The following SYCP2L variants were observed in gnomAD, a reference collection of about 807,000 sequenced individuals.
SYCP2L encodes the protein synaptonemal complex protein 2 like, also known as synaptonemal complex protein 2-like.
A neutral mutation model predicts 125.8 loss-of-function variants in SYCP2L; 98 were observed. That is an observed-to-expected ratio of 0.78 (90% CI 0.66 to 0.92). The LOEUF (loss-of-function observed/expected upper bound fraction) is 0.92, where lower values mean the gene tolerates loss of function less well. SYCP2L is among the 40% of genes least tolerant of loss of function. The probability of loss-of-function intolerance (pLI) is 0.00; values close to 1 mark genes in which losing one functional copy is unlikely to be tolerated. For synonymous variants in SYCP2L, 317 were observed against 325.4 expected, an observed-to-expected ratio of 0.97 and a Z score of 0.28; for missense variants, 842 against 936.4, an observed-to-expected ratio of 0.90 and a Z score of 1.32.
intron 18 of SYCP2L, among the ~76,000 whole-genome samples, chr6:10,929,058 A>G (rs1780946079): frequency 6.6e-6 from 1 of 151,754 alleles, no homozygotes; most frequent in Non-Finnish European, 1.5e-5. Context: ...TGCCTACCTA[A>G]TTTTTGTATC....
intron 12 of SYCP2L, 71 bp downstream of exon 12, chr6:10,910,940 G>C: frequency 1.9e-6 from 3 of 1,551,592 alleles, no homozygotes; most frequent in South Asian, 1.1e-5. Context: ...TACGTGGTTA[G>C]ATCAAACTTT....
chr6:10,900,446 G>A (rs551172725), intron 6 of SYCP2L, among the ~76,000 whole-genome samples: 3 of 151,800 alleles, frequency 2.0e-5, no homozygotes, highest in Non-Finnish European at 1.5e-5. Context: ...TCTGCCTCCC[G>A]GGTTCAAGCA....
chr6:10,938,323 A>G (rs796635423), intron 21 of SYCP2L, among the ~76,000 whole-genome samples: 3 of 152,348 alleles, frequency 2.0e-5, no homozygotes, highest in African/African-American at 7.2e-5. Context: ...GAATCATTTC[A>G]ATAGATGCAA....
Position 10,942,133 on chromosome 6 carries a change from A to T in SYCP2L, c.1814-326A>T, listed in dbSNP as rs1246472436. Reference sequence around the variant, plus strand: ...GGACACAGGAAAGGGAACATCACACACTGGGGCCTGTTGTGGGGTGGGGGG... The same window carrying T: ...GGACACAGGAAAGGGAACATCACACTCTGGGGCCTGTTGTGGGGTGGGGGG... On this transcript the variant is annotated intron_variant, in intron 21 of 29. Coordinates refer to ENST00000283141, the MANE Select transcript of SYCP2L (RefSeq NM_001040274.3). 5.4e-5 allele frequency among the ~76,000 whole-genome samples: 6 copies of T among 111,226 alleles called. No homozygotes were observed. In the Admixed American group the frequency reaches 7.7e-4, roughly 14 times the overall value. The allele number at this position is 111,226 out of a possible 152,430, so 73.0% of individuals were successfully genotyped here.
intron 29 of SYCP2L, among the ~76,000 whole-genome samples, chr6:10,968,964 T>G (rs1406557365): frequency 2.0e-5 from 3 of 152,206 alleles, no homozygotes; most frequent in Admixed American, 1.3e-4. Context: ...TACATAAGTA[T>G]GGAATGTGTG....
At chr6:10,924,237 C>T (rs910699999) in intron 14 of SYCP2L, among the ~76,000 whole-genome samples, 1 of 152,210 alleles carries the variant, frequency 6.6e-6, no homozygotes, top group African/African-American at 2.4e-5. Flanking sequence ...AAACTATCTT[C>T]ATTTCTTTGC....
At chr6:10,948,157 A>G (rs1160165551) in intron 23 of SYCP2L, among the ~76,000 whole-genome samples, 4 of 152,128 alleles carry the variant, frequency 2.6e-5, no homozygotes, top group Non-Finnish European at 5.9e-5. Context: ...GCTAATTTAC[A>G]TATCCCCTCA....
intron 14 of SYCP2L, chr6:10,922,922 A>G (rs1402521066): frequency 6.6e-6 from 1 of 152,212 alleles, no homozygotes; most frequent in South Asian, 2.1e-4. Context: ...CCAGAATATT[A>G]TATCCTGGAA....
chr6:10,919,709 G>C (rs950343075), intron 14 of SYCP2L, among the ~76,000 whole-genome samples: 4 of 152,100 alleles, frequency 2.6e-5, no homozygotes, highest in African/African-American at 7.2e-5. Flanking sequence ...GGCAGGATTA[G>C]GAGTGTCTGA....
At position 10,927,286 on chromosome 6, in the gene SYCP2L, AGAT is replaced by A; in HGVS notation, c.1362_1364del (p.Asp455del). On this transcript the variant is annotated inframe_deletion, in exon 17 of 30. Transcript: ENST00000283141. ...ACATGGTGGAGTTTATGAGTGCTGA[AGAT>A]GACCGCTGCCTAATAACTCTCCACT... 1 of 1,614,178 alleles carries A rather than the reference AGAT, an allele frequency of 6.2e-7. No homozygotes were observed. The highest frequency in any genetic ancestry group is 8.5e-7 in the Non-Finnish European group (1 of 1,180,028).
chr6:10,906,172 T>C, intron 9 of SYCP2L, 118 bp downstream of exon 9: 1 of 585,356 alleles, frequency 1.7e-6, no homozygotes, highest in African/African-American at 1.9e-5. Context: ...GGAATCAGGG[T>C]TTTATTTTAA....
At chr6:10,892,503 T>C (rs900692006) in intron 2 of SYCP2L, among the ~76,000 whole-genome samples, 2 of 152,202 alleles carry the variant, frequency 1.3e-5, no homozygotes, top group Non-Finnish European at 2.9e-5. Flanking sequence ...CTCAATATAT[T>C]GCCCAGGCTG....
chr6:10,938,946 C>A (rs1781160845), intron 21 of SYCP2L, among the ~76,000 whole-genome samples: 1 of 152,000 alleles, frequency 6.6e-6, no homozygotes, highest in Admixed American at 6.6e-5. Flanking sequence ...CAGTGAAACC[C>A]CATCTCTACT....
chr6:10,887,095 G>T lies in SYCP2L; in HGVS notation c.-32G>T. The T allele has an allele frequency of 6.2e-7, 1 of 1,614,046 alleles. No individual in the cohort carries two copies. Among genetic ancestry groups the T allele is most frequent in the Middle Eastern group, 1.6e-4 (1 of 6,062 alleles). ...CGACCGAGCGCAACAAAGCTGAGCG[G>T]CGCGTCGCTTCAGGAACGAAGAAGC... is the stretch of plus-strand genomic sequence containing the variant. On this transcript the variant is annotated 5_prime_UTR_variant, in exon 1 of 30. Transcript: ENST00000283141.
intron 14 of SYCP2L, among the ~76,000 whole-genome samples, chr6:10,924,295 G>T (rs887796199): frequency 2.0e-5 from 3 of 152,170 alleles, no homozygotes; most frequent in Non-Finnish European, 4.4e-5. Context: ...CCACTTAATT[G>T]TGTTGTATGT....
At position 10,955,168 on chromosome 6, in the gene SYCP2L, G is replaced by A. The variant is rs766922733; in HGVS notation, c.2007G>A (p.Glu669=). The A allele has an allele frequency of 3.7e-6, 6 of 1,613,678 alleles. No homozygotes were observed. In the South Asian group the frequency reaches 5.5e-5, roughly 15 times the overall value. The part of the protein sequence containing the change: ...AKSQQSRLEE[E]VAPGSPFSIT... ...CACAACAATCAAGATTGGAAGAAGA[G>A]GTTGCTCCGGGATCCCCTTTCTCAA... Residue 669 remains glutamate (E), a synonymous_variant, in exon 24 of 30, where the codon GAG becomes GAA. Coordinates refer to ENST00000283141, the MANE Select transcript of SYCP2L (RefSeq NM_001040274.3).
At chr6:10,952,304 C>T (rs938011693) in intron 23 of SYCP2L, among the ~76,000 whole-genome samples, 2 of 152,164 alleles carry the variant, frequency 1.3e-5, no homozygotes, top group East Asian at 1.9e-4. Flanking sequence ...AAGAACTTCA[C>T]GAGCACTGCC....
At chr6:10,914,595 G>A (rs1384781419) in intron 14 of SYCP2L, among the ~76,000 whole-genome samples, 1 of 75,176 alleles carries the variant, frequency 1.3e-5, no homozygotes, top group African/African-American at 4.1e-5. Context: ...GCTTTTGGCA[G>A]TGTGATCATT....
chr6:10,937,800 A>C (rs899133825), intron 21 of SYCP2L, among the ~76,000 whole-genome samples: 14 of 152,146 alleles, frequency 9.2e-5, no homozygotes, highest in African/African-American at 3.4e-4. Flanking sequence ...TACACCAACA[A>C]ATTGGATAAC....
Sources: allele counts gnomAD v4.1 joint callset (sites outside exome capture counted in the v4.1 genomes callset), GRCh38; gene constraint gnomAD v4.1.1; transcripts MANE v1.5; gene names NCBI Gene and HGNC (gene_info 2026-07-23, HGNC 2026-07-21).